The following MYO3B variants were observed in gnomAD, a reference collection of about 807,000 sequenced individuals.
MYO3B encodes myosin-IIIb.
In MYO3B, 156 loss-of-function variants were observed where a neutral mutation model predicts 174.6. The observed-to-expected ratio is 0.89, with a 90% CI of 0.78 to 1.02. The LOEUF (loss-of-function observed/expected upper bound fraction) is 1.02. Ranked by LOEUF, MYO3B falls within the 50% of genes least tolerant of loss-of-function variation. The probability of loss-of-function intolerance (pLI) is 0.00; values close to 1 mark genes in which losing one functional copy is unlikely to be tolerated. For missense variants in MYO3B, 1,632 were observed against 1,639.4 expected, an observed-to-expected ratio of 1.00 and a Z score of 0.08; for synonymous variants, 563 against 569.1, an observed-to-expected ratio of 0.99 and a Z score of 0.15.
At chr2:170,600,864 G>A (rs201650447) in intron 32 of MYO3B, among the ~76,000 whole-genome samples, 2 of 152,282 alleles carry the variant, frequency 1.3e-5, no homozygotes, top group East Asian at 3.9e-4. Flanking sequence ...CTTTGAAAAT[G>A]TTTGCTTCTA....
At chr2:170,376,624 T>A (rs1481984329) in intron 9 of MYO3B, among the ~76,000 whole-genome samples, 2 of 151,630 alleles carry the variant, frequency 1.3e-5, no homozygotes, top group African/African-American at 4.9e-5. Context: ...TTTGCCTCTA[T>A]CCGCAACAAA....
At chr2:170,216,439 C>T (rs2092828980) in intron 5 of MYO3B, among the ~76,000 whole-genome samples, 1 of 152,172 alleles carries the variant, frequency 6.6e-6, no homozygotes, top group Non-Finnish European at 1.5e-5. Flanking sequence ...AAAACTGAGG[C>T]TCAAAGGTGA....
intron 8 of MYO3B, chr2:170,346,529 CA>C (rs1426277232): frequency 6.6e-6 from 1 of 152,050 alleles, no homozygotes; most frequent in Non-Finnish European, 1.5e-5. Context: ...AATATGAAAC[CA>C]TAAAACCATA....
chr2:170,284,143 T>TG (rs1035724651), intron 7 of MYO3B, among the ~76,000 whole-genome samples: 10 of 152,096 alleles, frequency 6.6e-5, no homozygotes, highest in Non-Finnish European at 1.2e-4. Context: ...CCTTTAAAGC[T>TG]GGGGGGAAGA....
At chr2:170,382,255 A>G in intron 10 of MYO3B, 143 bp downstream of exon 10, 1 of 617,410 alleles carries the variant, frequency 1.6e-6, no homozygotes, top group South Asian at 2.1e-5. Flanking sequence ...TTCAGGGAGC[A>G]TTCAGTTGCT....
At chr2:170,321,261 T>C (rs1410968600) in intron 7 of MYO3B, among the ~76,000 whole-genome samples, 1 of 152,034 alleles carries the variant, frequency 6.6e-6, no homozygotes, top group Non-Finnish European at 1.5e-5. Context: ...AATTACAATT[T>C]TAAAAAATCT....
chr2:170,343,438 A>T (rs906936199), intron 8 of MYO3B: 1 of 152,136 alleles, frequency 6.6e-6, no homozygotes, highest in African/African-American at 2.4e-5. Context: ...GTTAAAAAAA[A>T]AAAAATCGAC....
chr2:170,445,345 T>TC (rs1278329994), intron 23 of MYO3B, among the ~76,000 whole-genome samples: 2 of 152,062 alleles, frequency 1.3e-5, no homozygotes, highest in East Asian at 1.9e-4. Context: ...GATACATTTT[T>TC]TTTTTTTATT....
chr2:170,485,185 A>G (rs907553779), intron 25 of MYO3B, among the ~76,000 whole-genome samples: 4 of 152,206 alleles, frequency 2.6e-5, no homozygotes, highest in Non-Finnish European at 5.9e-5. Context: ...GGCCCATTAC[A>G]ATAAAACCAT....
intron 32 of MYO3B, among the ~76,000 whole-genome samples, chr2:170,633,606 G>A (rs1474810544): frequency 2.6e-5 from 4 of 152,198 alleles, no homozygotes; most frequent in African/African-American, 9.7e-5. Flanking sequence ...ACATAGTGTT[G>A]GAAGTTCTGG....
chr2:170,308,219 A>G (rs528431664), intron 7 of MYO3B, among the ~76,000 whole-genome samples: 3 of 152,332 alleles, frequency 2.0e-5, no homozygotes, highest in East Asian at 3.9e-4. Context: ...TCTGAGAAAA[A>G]CGTGAATGTT....
chr2:170,593,203 T>A (rs940605676), intron 32 of MYO3B, among the ~76,000 whole-genome samples: 1 of 151,978 alleles, frequency 6.6e-6, no homozygotes, highest in East Asian at 1.9e-4. Flanking sequence ...ACTCAAGCGA[T>A]CCCCCCACCT....
At chr2:170,400,466 T>G in intron 17 of MYO3B, 152 bp downstream of exon 17, 1 of 965,602 alleles carries the variant, frequency 1.0e-6, no homozygotes, top group Non-Finnish European at 1.5e-6. Context: ...AGTCCAGTGG[T>G]GCAATCTCCG....
intron 7 of MYO3B, among the ~76,000 whole-genome samples, chr2:170,254,843 T>C (rs2093289880): frequency 6.6e-6 from 1 of 152,174 alleles, no homozygotes; most frequent in Non-Finnish European, 1.5e-5. Flanking sequence ...TAGCCACAGC[T>C]TCTACCTGAG....
At chr2:170,592,807 G>A (rs571436180) in intron 32 of MYO3B, among the ~76,000 whole-genome samples, 4 of 151,968 alleles carry the variant, frequency 2.6e-5, no homozygotes, top group South Asian at 4.2e-4. Flanking sequence ...CAACTCTAGG[G>A]GGTCTTACCA....
At chr2:170,471,609 G>A (rs891154394) in intron 25 of MYO3B, among the ~76,000 whole-genome samples, 1 of 152,100 alleles carries the variant, frequency 6.6e-6, no homozygotes, top group South Asian at 2.1e-4. Flanking sequence ...TCATTCTTTT[G>A]TATGCGGATA....
At chr2:170,489,634 GGTGTGTGT>G (rs369174830) in intron 25 of MYO3B, among the ~76,000 whole-genome samples, 3 of 139,320 alleles carry the variant, frequency 2.2e-5, no homozygotes, top group Non-Finnish European at 4.6e-5. Flanking sequence ...AACCAGTAGG[GGTGTGTGT>G]GTGTGTGTGT....
chr2:170,227,603 T>C (rs780374960), intron 6 of MYO3B, among the ~76,000 whole-genome samples: 2 of 152,112 alleles, frequency 1.3e-5, no homozygotes, highest in Non-Finnish European at 1.5e-5. Flanking sequence ...CTTTTTTAAT[T>C]TTAGAGAGCT....
At chr2:170,439,921 C>G (rs2094786642) in intron 22 of MYO3B, among the ~76,000 whole-genome samples, 1 of 152,150 alleles carries the variant, frequency 6.6e-6, no homozygotes, top group Non-Finnish European at 1.5e-5. Flanking sequence ...ACCTTGTGAT[C>G]CGCCTGCCTC....
Sources: allele counts gnomAD v4.1 joint callset (sites outside exome capture counted in the v4.1 genomes callset), GRCh38; gene constraint gnomAD v4.1.1; transcripts MANE v1.5; gene names NCBI Gene and HGNC (gene_info 2026-07-23, HGNC 2026-07-21).